The following CAMTA1 variants were observed in gnomAD, a reference collection of about 807,000 sequenced individuals.
CAMTA1 encodes calmodulin binding transcription activator 1.
CAMTA1 carries 27 observed loss-of-function variants against 170.9 expected under a neutral mutation model. That is an observed-to-expected ratio of 0.16 (90% CI 0.12 to 0.22). The LOEUF is 0.22. Ranked by LOEUF, CAMTA1 falls within the 10% of genes least tolerant of loss-of-function variation. The pLI is 1.00. For missense variants in CAMTA1, 1,619 were observed against 2,217.2 expected, an observed-to-expected ratio of 0.73 and a Z score of 5.42; for synonymous variants, 833 against 891.5, an observed-to-expected ratio of 0.93 and a Z score of 1.17.
intron 3 of CAMTA1, among the ~76,000 whole-genome samples, chr1:6,864,929 A>G (rs560864035): frequency 1.6e-4 from 24 of 152,184 alleles, no homozygotes; most frequent in Admixed American, 1.5e-3. Flanking sequence ...GCCAGAGTGG[A>G]TGCTTGATAA....
intron 10 of CAMTA1, among the ~76,000 whole-genome samples, chr1:7,672,594 G>A (rs1242264138): frequency 1.3e-5 from 2 of 152,046 alleles, no homozygotes; most frequent in Admixed American, 1.3e-4. Flanking sequence ...GCTAATTTTT[G>A]TACTTTTAGT....
intron 6 of CAMTA1, among the ~76,000 whole-genome samples, chr1:7,497,645 C>T (rs1049419820): frequency 1.7e-4 from 26 of 152,160 alleles, no homozygotes; most frequent in Admixed American, 9.8e-4. Flanking sequence ...ATGAATGCTA[C>T]CACTTTCATT....
chr1:6,943,996 ACT>A (rs1687166092), intron 3 of CAMTA1, among the ~76,000 whole-genome samples: 1 of 151,554 alleles, frequency 6.6e-6, no homozygotes, highest in Non-Finnish European at 1.5e-5. Flanking sequence ...CCAAACTGAA[ACT>A]CTGTTCCTGT....
chr1:7,550,746 GAC>G (rs1443895773), intron 6 of CAMTA1, among the ~76,000 whole-genome samples: 7 of 93,732 alleles, frequency 7.5e-5, no homozygotes, highest in South Asian at 3.3e-4. Context: ...ACTGAACCCT[GAC>G]ACCTGCCCCT....
intron 4 of CAMTA1, among the ~76,000 whole-genome samples, chr1:7,190,290 T>A (rs555664803): frequency 2.0e-5 from 3 of 152,198 alleles, no homozygotes; most frequent in East Asian, 3.9e-4. Flanking sequence ...AAATAAAAAA[T>A]TTTTTAAAAA....
At chr1:7,245,737 G>A (rs1206368521) in intron 4 of CAMTA1, among the ~76,000 whole-genome samples, 1 of 150,430 alleles carries the variant, frequency 6.6e-6, no homozygotes, top group Non-Finnish European at 1.5e-5. Flanking sequence ...AGGTTTCCCT[G>A]TGGCTGTCTC....
At chr1:7,514,020 A>G (rs1381970951) in intron 6 of CAMTA1, among the ~76,000 whole-genome samples, 4 of 152,196 alleles carry the variant, frequency 2.6e-5, no homozygotes, top group Non-Finnish European at 5.9e-5. Flanking sequence ...CAATGACCTT[A>G]TCTTAACTAA....
intron 5 of CAMTA1, among the ~76,000 whole-genome samples, chr1:7,260,534 C>T (rs1331453625): frequency 6.6e-6 from 1 of 152,172 alleles, no homozygotes; most frequent in Non-Finnish European, 1.5e-5. Context: ...GTAGAGAGGG[C>T]AGGGCTAGTC....
In CAMTA1 at chr1:7,633,619, C is replaced by A. The variant is rs989859796; in HGVS notation, c.511-6781C>A. 6.6e-6 allele frequency among the ~76,000 whole-genome samples: 1 copy of A among 152,236 alleles called. No individual in the cohort carries two copies. Among genetic ancestry groups the A allele is most frequent in the Non-Finnish European group, 1.5e-5 (1 of 68,030 alleles). On this transcript the variant is annotated intron_variant, in intron 6 of 22. Coordinates refer to ENST00000303635, the MANE Select transcript of CAMTA1 (RefSeq NM_015215.4). The surrounding 1 kb of genome is among the most constrained non-coding windows in gnomAD (Gnocchi z 4.1). Reference sequence around the variant, plus strand: ...CTGCACCAGCTCCCCCAGCCAAGGCCAGGTGCCCCCTAGCAGGCTTGTTGG... The same window carrying A: ...CTGCACCAGCTCCCCCAGCCAAGGCAAGGTGCCCCCTAGCAGGCTTGTTGG...
rs138585442 is a variant in CAMTA1 at position 7,491,545 on chromosome 1, A to G, written c.510+23644A>G. Among the ~76,000 whole-genome samples, 32 of 152,296 alleles carry G rather than the reference A, an allele frequency of 2.1e-4. No homozygotes were observed. The East Asian group carries it at 4.8e-3, about 23-fold the overall frequency. On this transcript the variant is annotated intron_variant, in intron 6 of 22. Coordinates refer to ENST00000303635, the MANE Select transcript of CAMTA1 (RefSeq NM_015215.4). ...CATTGTTTTGGTCATTAGTTAACCA[A>G]TCTGGGCGGGGAAAAAGGCAGAGCG...
Position 7,146,268 on chromosome 1 carries a change from T to G in CAMTA1, c.302+54897T>G, listed in dbSNP as rs1021478254. Among the ~76,000 whole-genome samples the G allele has an allele frequency of 3.3e-5, 5 of 152,158 alleles. No individual in the cohort carries two copies. The highest frequency in any genetic ancestry group is 2.9e-5 in the Non-Finnish European group (2 of 68,028). On this transcript the variant is annotated intron_variant, in intron 4 of 22. Transcript: ENST00000303635. The surrounding 1 kb of genome is among the most constrained non-coding windows in gnomAD (Gnocchi z 4.3). ...AGCCCCTGAACCCGGTGCCTGCTCATGAGCCAGTCTCCCTCTTGGCTTATG... is the reference window on the plus strand; with the variant it reads ...AGCCCCTGAACCCGGTGCCTGCTCAGGAGCCAGTCTCCCTCTTGGCTTATG...
chr1:7,007,344 G>A lies in CAMTA1; in HGVS notation c.235-83960G>A, dbSNP rs139540540. Among the ~76,000 whole-genome samples, 13 of 152,304 alleles carry A rather than the reference G, an allele frequency of 8.5e-5. No homozygotes were observed. In the East Asian group the frequency reaches 2.5e-3, roughly 29 times the overall value. On this transcript the variant is annotated intron_variant, in intron 3 of 22. Coordinates refer to ENST00000303635, the MANE Select transcript of CAMTA1 (RefSeq NM_015215.4). The surrounding 1 kb of genome is among the most constrained non-coding windows in gnomAD (Gnocchi z 4.5). ...CTTGGAAGTGAGGGACCCGAAAATG[G>A]GAACCCTTGCTAAGGACACAGGCAG...
intron 3 of CAMTA1, among the ~76,000 whole-genome samples, chr1:6,899,552 G>GCACA (rs916090781): frequency 0.013 from 1,391 of 104,726 alleles, 12 homozygotes; most frequent in South Asian, 0.016. Flanking sequence ...GCACGCGCGC[G>GCACA]CGCACACACA....
At chr1:7,505,430 C>T (rs937608906) in intron 6 of CAMTA1, among the ~76,000 whole-genome samples, 9 of 152,198 alleles carry the variant, frequency 5.9e-5, no homozygotes, top group African/African-American at 1.2e-4. Flanking sequence ...ACAGACAGAG[C>T]GTGCCACCCT....
chr1:7,584,088 A>T (rs1030756543), intron 6 of CAMTA1, among the ~76,000 whole-genome samples: 1 of 152,010 alleles, frequency 6.6e-6, no homozygotes, highest in Admixed American at 6.5e-5. Flanking sequence ...ATCATATAAC[A>T]CTTTCTTTCT....
chr1:7,722,872 A>G (rs2096658742), intron 11 of CAMTA1, among the ~76,000 whole-genome samples: 1 of 152,128 alleles, frequency 6.6e-6, no homozygotes, highest in Non-Finnish European at 1.5e-5. Context: ...GGATAGCTTG[A>G]GGCCAGGAGT....
chr1:7,647,927 T>C (rs1558052313), intron 7 of CAMTA1, among the ~76,000 whole-genome samples: 1 of 151,678 alleles, frequency 6.6e-6, no homozygotes, highest in Non-Finnish European at 1.5e-5. Context: ...CTACAAAAAA[T>C]AGAAAAATTA....
At chr1:6,856,325 CT>C (rs967347029) in intron 3 of CAMTA1, among the ~76,000 whole-genome samples, 3 of 149,086 alleles carry the variant, frequency 2.0e-5, no homozygotes, top group African/African-American at 4.9e-5. Context: ...ATGCTTCCCC[CT>C]GCCGCTTTTT....
intron 3 of CAMTA1, 141 bp downstream of exon 3, chr1:6,825,351 T>G (rs1426854840): frequency 1.8e-6 from 1 of 554,328 alleles, no homozygotes. Context: ...TAATCTGGAT[T>G]TGACAGAAAC....
Sources: gnomAD v4.1 joint callset for allele counts (sites outside exome capture counted in the v4.1 genomes callset) on GRCh38, gnomAD v4.1.1 for gene constraint, Gnocchi (gnomAD v3.1) non-coding constraint, MANE v1.5 for transcripts, NCBI Gene and HGNC (gene_info 2026-07-23, HGNC 2026-07-21) for gene names.